Variants in POT1 observed in about 807,000 individuals in gnomAD.
The protein encoded by POT1 is protection of telomeres protein 1.
A neutral mutation model predicts 78.5 loss-of-function variants in POT1; 47 were observed. The observed-to-expected ratio is 0.60, with a 90% confidence interval of 0.47 to 0.76. The LOEUF is 0.76. Ranked by LOEUF, POT1 falls within the 30% of genes least tolerant of loss-of-function variation. POT1 has a pLI of 0.00. For synonymous variants in POT1, 259 were observed against 260.7 expected (o/e 0.99, Z 0.06); for missense variants, 646 against 749.9 (o/e 0.86, Z 1.62).
chr7:124,908,842 T>G (rs1796825911), intron 3 of POT1, among the ~76,000 whole-genome samples: 1 of 151,938 alleles, frequency 6.6e-6, no homozygotes, highest in Non-Finnish European at 1.5e-5. Flanking sequence ...TCACGAATCT[T>G]AAAATAAAAT....
intron 14 of POT1, among the ~76,000 whole-genome samples, chr7:124,839,980 T>C (rs1794987620): frequency 6.7e-6 from 1 of 149,430 alleles, no homozygotes; most frequent in African/African-American, 2.5e-5. Flanking sequence ...CATTCTATGT[T>C]TTCTTTTTAA....
chr7:124,833,922 A>C (rs1794830067), intron 15 of POT1, among the ~76,000 whole-genome samples: 1 of 152,222 alleles, frequency 6.6e-6, no homozygotes, highest in African/African-American at 2.4e-5. Flanking sequence ...AACAGTTTTT[A>C]ATTCCAAAAG....
At chr7:124,841,288 C>G (rs1795022729) in intron 13 of POT1, 110 bp from the exon 14 acceptor site, 1 of 777,358 alleles carries the variant, frequency 1.3e-6, no homozygotes, top group African/African-American at 1.7e-5. Flanking sequence ...GTAGATGAGT[C>G]AGTTACTTTT....
chr7:124,853,886 T>C (rs576577838), intron 9 of POT1, among the ~76,000 whole-genome samples: 2 of 152,166 alleles, frequency 1.3e-5, no homozygotes, highest in Non-Finnish European at 2.9e-5. Flanking sequence ...TCAAAGATAT[T>C]GACACCTACC....
chr7:124,824,083 A>T lies in POT1; in HGVS notation c.1793-9T>A. 2 of 1,537,774 alleles carry T rather than the reference A, an allele frequency of 1.3e-6. No homozygotes were observed. The highest frequency in any genetic ancestry group is 2.3e-5 in the South Asian group (2 of 85,564). On this transcript the variant is annotated splice_polypyrimidine_tract_variant and intron_variant, in intron 18 of 18. Coordinates refer to ENST00000357628, the MANE Select transcript of POT1 (RefSeq NM_015450.3). ...CAACCACGGATATGCATCTACAAAA[A>T]CAAAAACAAAAAAAGCGATTTAACC...
rs959674609 is a variant in POT1, at chr7:124,822,730, C to T, written c.*1232G>A. Reference sequence around the variant, plus strand: ...CATTGTCTCAAACAAGCTGATAAGTCGATGATGGGGGACATTGGTAGTTAG... The same window carrying T: ...CATTGTCTCAAACAAGCTGATAAGTTGATGATGGGGGACATTGGTAGTTAG... On this transcript the variant is annotated 3_prime_UTR_variant, in exon 19 of 19. Coordinates refer to ENST00000357628, the MANE Select transcript of POT1 (RefSeq NM_015450.3). The T allele has an allele frequency of 3.6e-5, 9 of 249,108 alleles. No homozygotes were observed. Among genetic ancestry groups the T allele is most frequent in the Admixed American group, 2.6e-4 (7 of 26,948 alleles). 15.4% of individuals were successfully genotyped at this position (249,108 alleles called of 1,614,324 possible). A position where few individuals can be genotyped will look rare whatever the true frequency, so the allele number is the denominator to read the frequency against.
intron 14 of POT1, among the ~76,000 whole-genome samples, chr7:124,839,871 G>A (rs1435153959): frequency 6.6e-6 from 1 of 151,742 alleles, no homozygotes; most frequent in South Asian, 2.1e-4. Context: ...GTTTACATTA[G>A]TAACAAACCA....
intron 3 of POT1, among the ~76,000 whole-genome samples, chr7:124,907,792 A>T (rs1329463032): frequency 6.6e-6 from 1 of 152,114 alleles, no homozygotes; most frequent in African/African-American, 2.4e-5. Context: ...ACTTTCTCTC[A>T]ATTTTGCTGT....
chr7:124,860,208 A>G (rs571835880), intron 8 of POT1, among the ~76,000 whole-genome samples: 1 of 152,218 alleles, frequency 6.6e-6, no homozygotes, highest in East Asian at 1.9e-4. Flanking sequence ...AGGCCTCCCA[A>G]TATATTTTTG....
In POT1 at chr7:124,842,948, T is replaced by G. The variant is rs554325914; in HGVS notation, c.1022A>C (p.Gln341Pro). 2.5e-6 allele frequency: 4 copies of G among 1,582,046 alleles called. No homozygotes were observed. The South Asian group carries it at 4.7e-5, about 19-fold the overall frequency. Residue 341 changes from glutamine (Q) to proline (P), a missense_variant, in exon 13 of 19, where the codon CAG (glutamine) becomes CCG (proline). Gln to Pro is a moderately conservative substitution (Grantham distance 76). This residue lies in a region of POT1 where 394 missense variants were observed against 408.4 expected (regional missense o/e 0.96). Coordinates refer to ENST00000357628, the MANE Select transcript of POT1 (RefSeq NM_015450.3). ...ACATAGTGGTGTCCTCTCCAAATAC[T>G]GATGATCTGTAAGTACTGTAAAGAA... ...QLSATILTDHQYLERTPLCAI... is the reference protein window; with the variant it reads ...QLSATILTDHPYLERTPLCAI...
intron 2 of POT1, among the ~76,000 whole-genome samples, chr7:124,916,425 A>C (rs1797015997): frequency 6.6e-6 from 1 of 152,178 alleles, no homozygotes; most frequent in African/African-American, 2.4e-5. Context: ...AACAATAAAA[A>C]GTTAATCTGT....
At chr7:124,853,331 T>C (rs1463024039) in intron 9 of POT1, 193 bp from the exon 10 acceptor site, 1 of 516,974 alleles carries the variant, frequency 1.9e-6, no homozygotes, top group Non-Finnish European at 3.4e-6. Context: ...AAACTAAATA[T>C]ATGGACATGT....
chr7:124,924,129 C>T (rs1433825562), intron 2 of POT1, among the ~76,000 whole-genome samples: 3 of 120,942 alleles, frequency 2.5e-5, no homozygotes, highest in Non-Finnish European at 5.3e-5. Context: ...TAACAAAGAT[C>T]AGAGCAGAAC....
At chr7:124,834,042 A>AC (rs1364940310) in intron 15 of POT1, among the ~76,000 whole-genome samples, 25 of 152,226 alleles carry the variant, frequency 1.6e-4, no homozygotes, top group African/African-American at 9.6e-5. Context: ...TGTTGGGAAA[A>AC]CTGGCTAGCC....
chr7:124,858,984 G>T lies in POT1; in HGVS notation c.675C>A (p.Asn225Lys), dbSNP rs1050055964. The change falls in exon 9 of 19, where the codon AAC (asparagine) becomes AAA (lysine). Residue 225 changes from asparagine (N) to lysine (K), a missense_variant. By Grantham distance (94) the Asn-to-Lys change is moderately conservative (BLOSUM62 0). This residue lies in a region of POT1 where 252 missense variants were observed against 341.4 expected (regional missense o/e 0.74). Coordinates refer to ENST00000357628, the MANE Select transcript of POT1 (RefSeq NM_015450.3). ...NLTIDILVYDNHVHVARSLKV... is the reference protein window; with the variant it reads ...NLTIDILVYDKHVHVARSLKV... The stretch of plus-strand genomic sequence containing the variant: ...TCAGAGATCTTGCCACATGAACATG[G>T]TTATCGTAGACTAAAATGTCTATTG... 1.9e-6 allele frequency: 3 copies of T among 1,610,718 alleles called. No homozygotes were observed. Among genetic ancestry groups the T allele is most frequent in the East Asian group, 2.2e-5 (1 of 44,756 alleles).
intron 8 of POT1, among the ~76,000 whole-genome samples, chr7:124,861,483 G>A (rs1235273892): frequency 6.6e-6 from 1 of 152,126 alleles, no homozygotes; most frequent in East Asian, 1.9e-4. Flanking sequence ...TAAGTTTCTT[G>A]TAGATTCTGG....
intron 3 of POT1, among the ~76,000 whole-genome samples, chr7:124,902,755 C>T (rs565784035): frequency 8.5e-5 from 13 of 152,150 alleles, no homozygotes; most frequent in African/African-American, 2.9e-4. Context: ...GTCAAGACCC[C>T]TCAGTGTGTT....
At chr7:124,854,627 G>GACAA (rs1795398711) in intron 9 of POT1, among the ~76,000 whole-genome samples, 1 of 151,646 alleles carries the variant, frequency 6.6e-6, no homozygotes, top group African/African-American at 2.4e-5. Flanking sequence ...CCAATCAAGG[G>GACAA]TTTTATAAGG....
At chr7:124,877,840 C>CAAGAAAAAAAAAA (rs1796027371) in intron 6 of POT1, among the ~76,000 whole-genome samples, 1 of 80,544 alleles carries the variant, frequency 1.2e-5, no homozygotes, top group Non-Finnish European at 2.7e-5. Flanking sequence ...GATTCTGTCT[C>CAAGAAAAAAAAAA]AAAAAAAAAA....
Sources: allele counts gnomAD v4.1 joint callset (sites outside exome capture counted in the v4.1 genomes callset), GRCh38; gene constraint gnomAD v4.1.1; regional missense constraint gnomAD v4.1.1; transcripts MANE v1.5; gene names NCBI Gene and HGNC (gene_info 2026-07-23, HGNC 2026-07-21).